C1orf21: variants seen among roughly 807,000 people sequenced by gnomAD.
C1orf21 encodes the protein chromosome 1 open reading frame 21, also known as uncharacterized protein C1orf21.
A neutral mutation model predicts 18.7 loss-of-function variants in C1orf21; 3 were observed. The ratio of observed to expected loss-of-function variants is 0.16; its 90% CI spans 0.07 to 0.42. The LOEUF is 0.42. C1orf21 is among the 10% of genes least tolerant of loss of function. The pLI, the probability that C1orf21 is intolerant of heterozygous loss-of-function variation, is 0.99. For missense variants in C1orf21, 104 were observed against 143.6 expected, an observed-to-expected ratio of 0.72 and a Z score of 1.41; for synonymous variants, 41 against 46.4, an observed-to-expected ratio of 0.88 and a Z score of 0.47.
At chr1:184,520,877 A>T (rs950656868) in intron 3 of C1orf21, among the ~76,000 whole-genome samples, 5 of 152,214 alleles carry the variant, frequency 3.3e-5, no homozygotes, top group Admixed American at 1.3e-4. Context: ...TATGCCTAAT[A>T]TAAATAGAAA....
chr1:184,416,866 AGAT>A (rs1189515611), intron 1 of C1orf21, among the ~76,000 whole-genome samples: 1 of 152,228 alleles, frequency 6.6e-6, no homozygotes, highest in Non-Finnish European at 1.5e-5. Context: ...TAGTTTCTAA[AGAT>A]GACCACTCTT....
rs1216811017 is a variant in C1orf21 at position 184,621,974 on chromosome 1, A to C, written c.*2418A>C. The C allele has an allele frequency of 6.6e-6, 1 of 152,240 alleles. No homozygotes were observed. The highest frequency in any genetic ancestry group is 2.4e-5 in the African/African-American group (1 of 41,464). 9.4% of individuals were successfully genotyped at this position (152,240 alleles called of 1,614,324 possible). ...CACGAAATGCTTGATTATGTCAGCA[A>C]CACCCAACACTGTCTGTTTTCCATT... On this transcript the variant is annotated 3_prime_UTR_variant, in exon 6 of 6. Transcript: ENST00000235307.
intron 1 of C1orf21, among the ~76,000 whole-genome samples, chr1:184,406,906 G>A (rs1476687686): frequency 1.3e-5 from 2 of 152,008 alleles, no homozygotes; most frequent in African/African-American, 4.8e-5. Context: ...TGATCCTCTT[G>A]CCTCGGCCTA....
Position 184,624,479 on chromosome 1 carries a change from T to TC in C1orf21, c.*4926dup, listed in dbSNP as rs778376057. 3 of 152,188 alleles carry TC rather than the reference T, an allele frequency of 2.0e-5. No individual in the cohort carries two copies. The highest frequency in any genetic ancestry group is 4.4e-5 in the Non-Finnish European group (3 of 68,040). The allele number at this position is 152,188 out of a possible 1,614,324, so 9.4% of individuals were successfully genotyped here. ...GAGTGCTGTGATTTCTTTCCTGGGT[T>TC]CCCAAGTCTTGTTGTTTCATCACAA... is the stretch of plus-strand genomic sequence containing the variant. On this transcript the variant is annotated 3_prime_UTR_variant, in exon 6 of 6. Coordinates refer to ENST00000235307, the MANE Select transcript of C1orf21 (RefSeq NM_030806.4).
intron 5 of C1orf21, among the ~76,000 whole-genome samples, chr1:184,602,275 G>GGGA (rs1389811907): frequency 3.9e-5 from 6 of 152,146 alleles, no homozygotes; most frequent in Non-Finnish European, 8.8e-5. Flanking sequence ...TGCTGGTGGT[G>GGGA]GGAGGCCACA....
chr1:184,438,271 G>A (rs1656888924), intron 1 of C1orf21, among the ~76,000 whole-genome samples: 1 of 142,670 alleles, frequency 7.0e-6, no homozygotes, highest in Non-Finnish European at 1.5e-5. Flanking sequence ...TGAAAGTCTT[G>A]AGGAGGTGCT....
At chr1:184,559,991 G>T (rs1334777250) in intron 3 of C1orf21, among the ~76,000 whole-genome samples, 3 of 151,942 alleles carry the variant, frequency 2.0e-5, no homozygotes, top group Admixed American at 2.0e-4. Flanking sequence ...AGCTCAAGCA[G>T]TCATCCCGCC....
chr1:184,531,100 T>G (rs1330070988), intron 3 of C1orf21, among the ~76,000 whole-genome samples: 1 of 152,212 alleles, frequency 6.6e-6, no homozygotes, highest in Non-Finnish European at 1.5e-5. Context: ...GGTTTTAGAC[T>G]TAAAAAAGCT....
rs1217981479 is a variant in C1orf21 at position 184,590,844 on chromosome 1, T to G, written c.266+29T>G. ...AGTTCTAGTTTCTGTTTTCCTTATATAGTCGGCCTTCCATATCCATGGATT... is the reference window on the plus strand; with the variant it reads ...AGTTCTAGTTTCTGTTTTCCTTATAGAGTCGGCCTTCCATATCCATGGATT... On this transcript the variant is annotated intron_variant, in intron 4 of 5. Coordinates refer to ENST00000235307, the MANE Select transcript of C1orf21 (RefSeq NM_030806.4). 10 of 1,573,666 alleles carry G rather than the reference T, an allele frequency of 6.4e-6. No homozygotes were observed. The South Asian group carries it at 1.1e-4, about 17-fold the overall frequency.
intron 3 of C1orf21, among the ~76,000 whole-genome samples, chr1:184,555,615 G>T (rs946683788): frequency 1.3e-5 from 2 of 151,874 alleles, no homozygotes; most frequent in Non-Finnish European, 2.9e-5. Context: ...AGACCCTTGG[G>T]CCAGAGCAGC....
At chr1:184,584,912 A>G (rs1440237529) in intron 3 of C1orf21, among the ~76,000 whole-genome samples, 2 of 152,192 alleles carry the variant, frequency 1.3e-5, no homozygotes, top group Non-Finnish European at 2.9e-5. Context: ...AGCACTATGA[A>G]TGAGAGCAGA....
chr1:184,449,861 G>C (rs942477499), intron 1 of C1orf21, among the ~76,000 whole-genome samples: 4 of 152,132 alleles, frequency 2.6e-5, no homozygotes, highest in African/African-American at 7.2e-5. Context: ...TTCAGTGTTT[G>C]GTAACACCAC....
chr1:184,602,991 T>C (rs1223427231), intron 5 of C1orf21, among the ~76,000 whole-genome samples: 1 of 152,250 alleles, frequency 6.6e-6, no homozygotes, highest in Non-Finnish European at 1.5e-5. Flanking sequence ...TTGGGCCTTG[T>C]ACATCTTTTT....
Position 184,624,762 on chromosome 1 carries a change from C to T in C1orf21, c.*5206C>T, listed in dbSNP as rs143640629. 1 of 152,330 alleles carries T rather than the reference C, an allele frequency of 6.6e-6. No homozygotes were observed. The highest frequency in any genetic ancestry group is 2.4e-5 in the African/African-American group (1 of 41,584). 9.4% of individuals were successfully genotyped at this position (152,330 alleles called of 1,614,324 possible). A position where few individuals can be genotyped will look rare whatever the true frequency, so the allele number is the denominator to read the frequency against. On this transcript the variant is annotated 3_prime_UTR_variant, in exon 6 of 6. Transcript: ENST00000235307. Reference sequence around the variant, plus strand: ...ATAGTCATGTAATGACTTGGATAGACATTTAAATAACTTGTTCCAAGGTCG... The same window carrying T: ...ATAGTCATGTAATGACTTGGATAGATATTTAAATAACTTGTTCCAAGGTCG...
At chr1:184,397,238 A>T (rs573248439) in intron 1 of C1orf21, among the ~76,000 whole-genome samples, 6 of 152,144 alleles carry the variant, frequency 3.9e-5, no homozygotes, top group Non-Finnish European at 8.8e-5. Context: ...TATTAAATAG[A>T]TGTGGGAACG....
intron 3 of C1orf21, among the ~76,000 whole-genome samples, chr1:184,563,471 C>T (rs1048579309): frequency 6.6e-6 from 1 of 152,126 alleles, no homozygotes; most frequent in Non-Finnish European, 1.5e-5. Flanking sequence ...TCTAAAAATA[C>T]CAAATGGATA....
At chr1:184,413,180 A>G (rs1434520160) in intron 1 of C1orf21, among the ~76,000 whole-genome samples, 3 of 152,150 alleles carry the variant, frequency 2.0e-5, no homozygotes, top group Non-Finnish European at 4.4e-5. Context: ...TCCACCATGA[A>G]GTTTCTTCAT....
chr1:184,531,323 G>T (rs1658459737), intron 3 of C1orf21, among the ~76,000 whole-genome samples: 1 of 151,980 alleles, frequency 6.6e-6, no homozygotes, highest in Non-Finnish European at 1.5e-5. Flanking sequence ...TTCTATGTCT[G>T]CCATCTTCTC....
At chr1:184,593,593 A>G (rs181440125) in intron 4 of C1orf21, among the ~76,000 whole-genome samples, 18 of 152,032 alleles carry the variant, frequency 1.2e-4, no homozygotes, top group African/African-American at 4.1e-4. Flanking sequence ...TATGTCTTTG[A>G]GCTTCAGTTT....
Sources: gnomAD v4.1 joint callset for allele counts (sites outside exome capture counted in the v4.1 genomes callset) on GRCh38, gnomAD v4.1.1 for gene constraint, MANE v1.5 for transcripts, NCBI Gene and HGNC (gene_info 2026-07-23, HGNC 2026-07-21) for gene names.